TOX: variants seen among roughly 807,000 people sequenced by gnomAD.
The protein encoded by TOX is thymocyte selection associated high mobility group box, also known as thymocyte selection-associated high mobility group box protein TOX.
In TOX, 11 loss-of-function variants were observed where a neutral mutation model predicts 53.7. The ratio of observed to expected loss-of-function variants is 0.20; its 90% CI spans 0.13 to 0.34. The LOEUF (loss-of-function observed/expected upper bound fraction) is 0.34. TOX is among the 10% of genes least tolerant of loss of function. The probability of loss-of-function intolerance (pLI) is 1.00; values close to 1 mark genes in which losing one functional copy is unlikely to be tolerated. For synonymous variants in TOX, 225 were observed against 245.3 expected (o/e 0.92, Z 0.77); for missense variants, 570 against 664.6 (o/e 0.86, Z 1.56).
chr8:58,984,294 TA>T (rs1209595410), intron 1 of TOX, among the ~76,000 whole-genome samples: 1 of 152,148 alleles, frequency 6.6e-6, no homozygotes, highest in Non-Finnish European at 1.5e-5. Flanking sequence ...TCAGGATATA[TA>T]AAGAAAGCCA....
At chr8:59,018,023 T>C (rs1585966965) in intron 1 of TOX, among the ~76,000 whole-genome samples, 1 of 152,162 alleles carries the variant, frequency 6.6e-6, no homozygotes, top group Admixed American at 6.5e-5. Context: ...TGTTTTTTAC[T>C]CCCTGTTGCA....
chr8:58,810,426 G>A (rs919338390), intron 7 of TOX, among the ~76,000 whole-genome samples: 7 of 151,932 alleles, frequency 4.6e-5, no homozygotes, highest in Non-Finnish European at 8.8e-5. Context: ...CTGCAGTCTC[G>A]ACCTCCTGGG....
At chr8:59,105,831 T>A (rs889517046) in intron 1 of TOX, among the ~76,000 whole-genome samples, 4 of 152,232 alleles carry the variant, frequency 2.6e-5, no homozygotes, top group African/African-American at 9.6e-5. Context: ...TGAAAGCTTA[T>A]GTATGGCATA....
intron 1 of TOX, among the ~76,000 whole-genome samples, chr8:59,031,104 G>A (rs1814348432): frequency 6.6e-6 from 1 of 152,132 alleles, no homozygotes; most frequent in South Asian, 2.1e-4. Context: ...ATTCCAGTTG[G>A]GTATGACAGG....
At chr8:59,088,394 C>T (rs1031727598) in intron 1 of TOX, among the ~76,000 whole-genome samples, 1 of 152,138 alleles carries the variant, frequency 6.6e-6, no homozygotes, top group African/African-American at 2.4e-5. Context: ...TATAATCAGA[C>T]GTAAGTTTTT....
intron 1 of TOX, among the ~76,000 whole-genome samples, chr8:59,069,875 C>T (rs758914289): frequency 4.6e-5 from 7 of 152,150 alleles, no homozygotes; most frequent in Non-Finnish European, 8.8e-5. Flanking sequence ...CAGTGTTGAC[C>T]TTTCAGAGCG....
chr8:59,037,242 C>T (rs1268736224), intron 1 of TOX, among the ~76,000 whole-genome samples: 1 of 151,018 alleles, frequency 6.6e-6, no homozygotes, highest in African/African-American at 2.4e-5. Flanking sequence ...TTTTTTCACA[C>T]ATTATCAAAT....
Position 59,118,118 on chromosome 8 carries a change from G to A in TOX, c.102+768C>T, listed in dbSNP as rs553444553. Among the ~76,000 whole-genome samples, 296 of 152,232 alleles carry A rather than the reference G, an allele frequency of 1.9e-3. No homozygotes were observed. Among genetic ancestry groups the A allele is most frequent in the African/African-American group, 6.9e-3 (285 of 41,566 alleles). ...CCGGGCCCCCGCGGCCCTGGCACCC[G>A]AGGTCAGCGGGCCGTGGGTACAGCT... is the stretch of plus-strand genomic sequence containing the variant. On this transcript the variant is annotated intron_variant, in intron 1 of 8. Coordinates refer to ENST00000361421, the MANE Select transcript of TOX (RefSeq NM_014729.3). This position sits in a 1 kb window ranked among gnomAD's most constrained non-coding sequence, Gnocchi z 4.1.
intron 1 of TOX, among the ~76,000 whole-genome samples, chr8:58,978,670 C>T (rs1044205158): frequency 6.6e-6 from 1 of 152,168 alleles, no homozygotes; most frequent in Non-Finnish European, 1.5e-5. Flanking sequence ...TCTCCACACA[C>T]ACTACCTCCC....
chr8:59,017,572 C>A (rs1276108369), intron 1 of TOX, among the ~76,000 whole-genome samples: 3 of 152,182 alleles, frequency 2.0e-5, no homozygotes, highest in African/African-American at 7.2e-5. Context: ...CATTATTAGA[C>A]ACCTGTTAGG....
Position 58,824,977 on chromosome 8 carries a change from T to A in TOX, c.1005+1845A>T, listed in dbSNP as rs535471829. Among the ~76,000 whole-genome samples, 85 of 152,270 alleles carry A rather than the reference T, an allele frequency of 5.6e-4. 1 individual carries two copies. The highest frequency in any genetic ancestry group is 1.1e-3 in the Non-Finnish European group (73 of 68,002). On this transcript the variant is annotated intron_variant, in intron 6 of 8. Transcript: ENST00000361421. ...GTTTGCCCCTTTAAATCTTTTAGAA[T>A]AGGGAAATAATTTATAACATAGTAA...
Position 58,863,862 on chromosome 8 carries a change from AG to A in TOX, c.412-12058del, listed in dbSNP as rs1351964981. ...GAAGACATACTATAATACAAGTCAA[AG>A]GGGATTAATTGCTATAACCAAAATT... is the stretch of plus-strand genomic sequence containing the variant. On this transcript the variant is annotated intron_variant, in intron 3 of 8. Transcript: ENST00000361421. 5.9e-5 allele frequency among the ~76,000 whole-genome samples: 9 copies of A among 152,312 alleles called. No individual in the cohort carries two copies. The East Asian group carries it at 1.7e-3, about 29-fold the overall frequency.
At position 59,118,712 on chromosome 8, in the gene TOX, G is replaced by A. The variant is rs1373842926; in HGVS notation, c.102+174C>T. ...CAATCGCGGTGTTTGGCAAGCCCCC[G>A]GAGCTACTCCACAATATTTACTACC... On this transcript the variant is annotated intron_variant, in intron 1 of 8. Transcript: ENST00000361421. This position sits in a 1 kb window ranked among gnomAD's most constrained non-coding sequence, Gnocchi z 4.1. Among the ~76,000 whole-genome samples, 1 of 152,114 alleles carries A rather than the reference G, an allele frequency of 6.6e-6. No individual in the cohort carries two copies. The highest frequency in any genetic ancestry group is 1.5e-5 in the Non-Finnish European group (1 of 68,024).
intron 3 of TOX, among the ~76,000 whole-genome samples, chr8:58,899,368 C>T (rs946424798): frequency 3.9e-5 from 6 of 152,100 alleles, no homozygotes; most frequent in African/African-American, 1.4e-4. Context: ...CTTTAGACAC[C>T]AGTCTTTTTA....
chr8:59,085,979 C>CTTTTTTTTTTTTTTTTTT (rs35593177), intron 1 of TOX, among the ~76,000 whole-genome samples: 3 of 88,824 alleles, frequency 3.4e-5, no homozygotes, highest in Non-Finnish European at 6.7e-5. Flanking sequence ...CTTTTCTTTT[C>CTTTTTTTTTTTTTTTTTT]TTTTTTTTTT....
At chr8:58,973,249 T>G (rs1813032436) in intron 1 of TOX, among the ~76,000 whole-genome samples, 1 of 152,220 alleles carries the variant, frequency 6.6e-6, no homozygotes, top group Admixed American at 6.5e-5. Flanking sequence ...ATTCATATTT[T>G]ACAGGATCCC....
chr8:58,925,127 C>A (rs926036767), intron 3 of TOX, among the ~76,000 whole-genome samples: 1 of 152,174 alleles, frequency 6.6e-6, no homozygotes, highest in African/African-American at 2.4e-5. Context: ...TAGAGGAGAA[C>A]TTATGGGTTT....
At chr8:58,969,975 T>C (rs930893322) in intron 1 of TOX, among the ~76,000 whole-genome samples, 3 of 152,228 alleles carry the variant, frequency 2.0e-5, no homozygotes, top group Non-Finnish European at 4.4e-5. Flanking sequence ...TATCACCACA[T>C]GATGCTAACA....
intron 1 of TOX, among the ~76,000 whole-genome samples, chr8:58,999,921 TA>T (rs1469992716): frequency 6.6e-6 from 1 of 152,222 alleles, no homozygotes; most frequent in Non-Finnish European, 1.5e-5. Flanking sequence ...TTTTGGTTTT[TA>T]AATTCAGATC....
Sources: gnomAD v4.1 joint callset for allele counts (sites outside exome capture counted in the v4.1 genomes callset) on GRCh38, gnomAD v4.1.1 for gene constraint, Gnocchi (gnomAD v3.1) non-coding constraint, MANE v1.5 for transcripts, NCBI Gene and HGNC (gene_info 2026-07-23, HGNC 2026-07-21) for gene names.